Variants in XKR6 observed in about 807,000 individuals in gnomAD.
XKR6 encodes the protein XK-related protein 6.
Under a neutral mutation model 56.7 loss-of-function variants are expected in XKR6, and 22 were observed. That is an observed-to-expected ratio of 0.39 (90% CI 0.28 to 0.55). XKR6 has a LOEUF of 0.55. Ranked by LOEUF, XKR6 falls within the 20% of genes least tolerant of loss-of-function variation. XKR6 has a pLI of 0.66. For missense variants in XKR6, 852 were observed against 889.0 expected (o/e 0.96, Z 0.53); for synonymous variants, 524 against 387.8 (o/e 1.35, Z -4.13).
chr8:11,115,093 T>G (rs934143269), intron 1 of XKR6, among the ~76,000 whole-genome samples: 3 of 152,036 alleles, frequency 2.0e-5, no homozygotes, highest in African/African-American at 7.2e-5. Context: ...CCACAAGAGG[T>G]AGGAGGGCAG....
intron 1 of XKR6, among the ~76,000 whole-genome samples, chr8:11,160,816 C>G (rs1801763183): frequency 6.9e-6 from 1 of 145,316 alleles, no homozygotes; most frequent in Admixed American, 7.1e-5. Flanking sequence ...GTAGGCTAAG[C>G]CAAGAGAAAC....
At chr8:11,142,766 C>T (rs1221583372) in intron 1 of XKR6, among the ~76,000 whole-genome samples, 2 of 152,278 alleles carry the variant, frequency 1.3e-5, no homozygotes, top group Admixed American at 6.5e-5. Flanking sequence ...TTTAGAAATA[C>T]CCCATCTCAG....
At chr8:10,938,176 GTCACCCCT>G (rs907350985) in intron 1 of XKR6, among the ~76,000 whole-genome samples, 1 of 152,212 alleles carries the variant, frequency 6.6e-6, no homozygotes, top group African/African-American at 2.4e-5. Context: ...AGGTGCGTCT[GTCACCCCT>G]TTCTTTGACT....
At chr8:10,944,096 A>G (rs1486081330) in intron 1 of XKR6, among the ~76,000 whole-genome samples, 2 of 152,168 alleles carry the variant, frequency 1.3e-5, no homozygotes, top group East Asian at 3.9e-4. Flanking sequence ...AGGGGCATCC[A>G]TATACCCAGC....
intron 1 of XKR6, among the ~76,000 whole-genome samples, chr8:11,025,460 G>C (rs976082876): frequency 2.6e-5 from 4 of 152,186 alleles, no homozygotes; most frequent in African/African-American, 9.6e-5. Flanking sequence ...GCAGGGAGGG[G>C]TTGCCAATGG....
chr8:10,963,423 G>A (rs1038887552), intron 1 of XKR6, among the ~76,000 whole-genome samples: 1 of 152,172 alleles, frequency 6.6e-6, no homozygotes, highest in African/African-American at 2.4e-5. Flanking sequence ...ACACGGCTTT[G>A]CTTCGATACC....
At chr8:11,098,138 G>A (rs910446150) in intron 1 of XKR6, among the ~76,000 whole-genome samples, 1 of 152,056 alleles carries the variant, frequency 6.6e-6, no homozygotes. Context: ...TGTTAGGAAG[G>A]CAGAATCCCA....
chr8:10,977,679 A>T (rs1312813783), intron 1 of XKR6, among the ~76,000 whole-genome samples: 1 of 149,556 alleles, frequency 6.7e-6, no homozygotes, highest in African/African-American at 2.5e-5. Context: ...AAGGTCTATC[A>T]CGGAGGTGGG....
intron 1 of XKR6, among the ~76,000 whole-genome samples, chr8:11,132,577 G>C (rs1214169248): frequency 1.3e-5 from 2 of 151,842 alleles, no homozygotes; most frequent in Non-Finnish European, 2.9e-5. Context: ...GGCCAGGCTG[G>C]TTTTGAACTC....
chr8:11,005,541 T>C (rs775237106), intron 1 of XKR6, among the ~76,000 whole-genome samples: 1 of 152,158 alleles, frequency 6.6e-6, no homozygotes, highest in Non-Finnish European at 1.5e-5. Context: ...ACTGTACACT[T>C]AAAAATTGTT....
intron 1 of XKR6, among the ~76,000 whole-genome samples, chr8:11,112,701 G>A (rs1240458036): frequency 1.3e-5 from 2 of 152,162 alleles, no homozygotes; most frequent in African/African-American, 4.8e-5. Context: ...ACAAGGCGAA[G>A]CTGGCCTGGG....
At chr8:11,053,162 C>T (rs1018096261) in intron 1 of XKR6, among the ~76,000 whole-genome samples, 2 of 152,210 alleles carry the variant, frequency 1.3e-5, no homozygotes, top group African/African-American at 4.8e-5. Context: ...GGCTGGGATC[C>T]GCTATAGGCT....
chr8:11,037,863 A>G (rs569368889), intron 1 of XKR6, among the ~76,000 whole-genome samples: 2 of 151,574 alleles, frequency 1.3e-5, no homozygotes, highest in South Asian at 4.2e-4. Context: ...GTTTCAAAAA[A>G]AAAAAAAAAA....
intron 1 of XKR6, chr8:11,113,764 G>C (rs564574131): frequency 8.5e-5 from 13 of 153,270 alleles, no homozygotes; most frequent in African/African-American, 2.9e-4. Flanking sequence ...ACTTTAAAAA[G>C]CCATGTTAAA....
At chr8:10,914,736 G>C (rs1169980298) in intron 2 of XKR6, among the ~76,000 whole-genome samples, 1 of 119,900 alleles carries the variant, frequency 8.3e-6, no homozygotes, top group African/African-American at 3.4e-5. Flanking sequence ...GGGAAAGTGG[G>C]GGAAATCTCA....
intron 1 of XKR6, among the ~76,000 whole-genome samples, chr8:10,935,155 C>T (rs1429745349): frequency 1.1e-5 from 1 of 89,378 alleles, no homozygotes; most frequent in Non-Finnish European, 2.3e-5. Flanking sequence ...GGAATTTATC[C>T]ATTTCTTCTA....
At chr8:10,983,463 A>G (rs1318616109) in intron 1 of XKR6, among the ~76,000 whole-genome samples, 3 of 152,030 alleles carry the variant, frequency 2.0e-5, no homozygotes, top group African/African-American at 7.2e-5. Context: ...ACCAAAACCA[A>G]CCTCTGGAAA....
At chr8:11,116,919 CT>C (rs1799205559) in intron 1 of XKR6, among the ~76,000 whole-genome samples, 1 of 152,164 alleles carries the variant, frequency 6.6e-6, no homozygotes, top group Non-Finnish European at 1.5e-5. Flanking sequence ...AATAAGGAGG[CT>C]GAATCCTCAG....
intron 1 of XKR6, among the ~76,000 whole-genome samples, chr8:11,188,477 T>A (rs1803387288): frequency 1.3e-5 from 2 of 152,178 alleles, no homozygotes; most frequent in Non-Finnish European, 2.9e-5. Context: ...TTTATTGTAG[T>A]TTCTCTTCCC....
Sources: gnomAD v4.1 joint callset for allele counts (sites outside exome capture counted in the v4.1 genomes callset) on GRCh38, gnomAD v4.1.1 for gene constraint, MANE v1.5 for transcripts, NCBI Gene and HGNC (gene_info 2026-07-23, HGNC 2026-07-21) for gene names.